The following AATK variants were observed in gnomAD, a reference collection of about 807,000 sequenced individuals.
The protein encoded by AATK is serine/threonine-protein kinase LMTK1.
AATK carries 91 observed loss-of-function variants against 114.3 expected under a neutral mutation model. The observed-to-expected ratio is 0.80, with a 90% CI of 0.67 to 0.95. The LOEUF (loss-of-function observed/expected upper bound fraction) is 0.95. Ranked by LOEUF, AATK falls within the 40% of genes least tolerant of loss-of-function variation. The pLI, the probability that AATK is intolerant of heterozygous loss-of-function variation, is 0.00. For synonymous variants in AATK, 1,075 were observed against 916.5 expected (o/e 1.17, Z -3.12); for missense variants, 2,176 against 1,965.2 (o/e 1.11, Z -2.03).
At position 81,127,566 on chromosome 17, in the gene AATK, C is replaced by A; in HGVS notation, c.621+17G>T. The stretch of plus-strand genomic sequence containing the variant: ...GGCTCAGCAAAGACCCCAGCATCCC[C>A]CCGGGCAGCAGCTCACCAGTGGGCA... On this transcript the variant is annotated intron_variant, in intron 6 of 13. Coordinates refer to ENST00000326724, the MANE Select transcript of AATK (RefSeq NM_001080395.3). 6.3e-7 allele frequency: 1 copy of A among 1,583,300 alleles called. No individual in the cohort carries two copies. Among genetic ancestry groups the A allele is most frequent in the Non-Finnish European group, 8.6e-7 (1 of 1,165,494 alleles).
chr17:81,132,022 C>G, intron 2 of AATK: 1 of 1,305,030 alleles, frequency 7.7e-7, no homozygotes, highest in Non-Finnish European at 1.0e-6. Context: ...CCACTCCCTG[C>G]CAGGCTGCTA....
chr17:81,123,682 G>A (rs892859358), intron 9 of AATK, among the ~76,000 whole-genome samples: 7 of 151,696 alleles, frequency 4.6e-5, no homozygotes, highest in Non-Finnish European at 1.0e-4. Context: ...TGGAGGGCGG[G>A]CGTGGAGCCC....
At chr17:81,157,348 A>C (rs1235743884) in intron 1 of AATK, among the ~76,000 whole-genome samples, 1 of 152,188 alleles carries the variant, frequency 6.6e-6, no homozygotes, top group African/African-American at 2.4e-5. Flanking sequence ...GCTCGCCTCC[A>C]ACCTGGGGCT....
chr17:81,139,225 C>T (rs950750668), intron 1 of AATK, among the ~76,000 whole-genome samples: 1 of 152,242 alleles, frequency 6.6e-6, no homozygotes, highest in South Asian at 2.1e-4. Context: ...CTGCCAGCTC[C>T]ACTGCCCTGC....
rs530273763 is a variant in AATK at position 81,126,415 on chromosome 17, G to A, written c.755+12C>T. Reference sequence around the variant, plus strand: ...TAGGGCTTCCCGGCCGCTGGCCCGCGCCCGCCCTCACCTGTGCACGAAATT... The same window carrying A: ...TAGGGCTTCCCGGCCGCTGGCCCGCACCCGCCCTCACCTGTGCACGAAATT... On this transcript the variant is annotated intron_variant, in intron 7 of 13. Coordinates refer to ENST00000326724, the MANE Select transcript of AATK (RefSeq NM_001080395.3). The surrounding 1 kb of genome is among the most constrained non-coding windows in gnomAD (Gnocchi z 5.1). The A allele has an allele frequency of 8.4e-6, 13 of 1,553,584 alleles. No individual in the cohort carries two copies. Among genetic ancestry groups the A allele is most frequent in the East Asian group, 2.4e-5 (1 of 41,312 alleles).
At position 81,121,099 on chromosome 17, in the gene AATK, G is replaced by A; in HGVS notation, c.2837C>T (p.Ser946Phe). ...CGCCTCCTTGAGCACAAACTCAGGG[G>A]ACTCATAGTTCTCGGTGTCATAGCC... ...DSGYDTENYE[S>F]PEFVLKEAQE... Residue 946 changes from serine to phenylalanine, a missense_variant, in exon 11 of 14, where the codon TCC (serine) becomes TTC (phenylalanine). This residue lies in a region of AATK where 1,701 missense variants were observed against 1,394.7 expected (regional missense o/e 1.22). Coordinates refer to ENST00000326724, the MANE Select transcript of AATK (RefSeq NM_001080395.3). The A allele has an allele frequency of 6.2e-7, 1 of 1,605,934 alleles. No individual in the cohort carries two copies. The highest frequency in any genetic ancestry group is 1.3e-5 in the African/African-American group (1 of 74,936).
chr17:81,120,632 G>T lies in AATK; in HGVS notation c.3304C>A (p.Leu1102Met), dbSNP rs1263948158. 1.3e-6 allele frequency: 2 copies of T among 1,536,938 alleles called. No individual in the cohort carries two copies. Among genetic ancestry groups the T allele is most frequent in the Non-Finnish European group, 1.7e-6 (2 of 1,146,068 alleles). ...GPSPSCSQFF[L>M]LTPVPLRSEG... is the part of the protein sequence containing the mutation. ...GATCTCAGCGGAACCGGGGTCAGCA[G>T]GAAAAACTGGGAGCAGCTGGGGCTG... The change falls in exon 11 of 14, where the codon CTG becomes ATG. Residue 1102 changes from leucine (L) to methionine (M), a missense_variant. By Grantham distance (15) the Leu-to-Met change is conservative. Transcript: ENST00000326724.
Position 81,131,161 on chromosome 17 carries a change from C to T in AATK, c.234G>A (p.Ala78=), listed in dbSNP as rs144434820. The change falls in exon 3 of 14, where the codon GCG becomes GCA. Residue 78 remains alanine (A), a synonymous_variant. Coordinates refer to ENST00000326724, the MANE Select transcript of AATK (RefSeq NM_001080395.3). Reference sequence around the variant, plus strand: ...GTGCTGCCGTGGCCGGGGAGCCCTGCGCCAGGTCGGCTGCGTACTCGTCCC... The same window carrying T: ...GTGCTGCCGTGGCCGGGGAGCCCTGTGCCAGGTCGGCTGCGTACTCGTCCC... ...AEGDEYAADL[A]QGSPATAAQN... 3.6e-3 allele frequency: 5,662 copies of T among 1,578,570 alleles called. 17 individuals are homozygous for T. The highest frequency in any genetic ancestry group is 4.3e-3 in the Non-Finnish European group (5,014 of 1,163,734).
At chr17:81,137,035 A>G (rs537395201) in intron 1 of AATK, among the ~76,000 whole-genome samples, 1 of 152,214 alleles carries the variant, frequency 6.6e-6, no homozygotes, top group South Asian at 2.1e-4. Context: ...AGGCAGGTGG[A>G]TCACTTGAGG....
Position 81,126,410 on chromosome 17 carries a change from C to CCAG in AATK, c.755+16_755+17insCTG. ...TGGCCTAGGGCTTCCCGGCCGCTGG[C>CCAG]CCGCGCCCGCCCTCACCTGTGCACG... On this transcript the variant is annotated intron_variant, in intron 7 of 13. Transcript: ENST00000326724. The surrounding 1 kb of genome is among the most constrained non-coding windows in gnomAD (Gnocchi z 5.1). 6.5e-7 allele frequency: 1 copy of CCAG among 1,549,786 alleles called. No individual in the cohort carries two copies. The highest frequency in any genetic ancestry group is 1.2e-5 in the South Asian group (1 of 84,168).
At chr17:81,134,054 G>A (rs1215065891) in intron 2 of AATK, among the ~76,000 whole-genome samples, 1 of 152,156 alleles carries the variant, frequency 6.6e-6, no homozygotes, top group Non-Finnish European at 1.5e-5. Context: ...CAGCTCCAGA[G>A]CCCCCGACGC....
intron 1 of AATK, among the ~76,000 whole-genome samples, chr17:81,139,604 G>A (rs1467878041): frequency 2.0e-5 from 1 of 49,462 alleles, no homozygotes; most frequent in East Asian, 1.2e-3. Flanking sequence ...AGCCTGGCCT[G>A]GCCATACCGC....
chr17:81,145,623 C>T (rs1314244590), intron 1 of AATK, among the ~76,000 whole-genome samples: 1 of 150,922 alleles, frequency 6.6e-6, no homozygotes. Context: ...ATCCTAGCTA[C>T]TCGGGAGGCT....
intron 1 of AATK, among the ~76,000 whole-genome samples, chr17:81,143,542 G>A (rs1468394394): frequency 4.3e-5 from 2 of 46,642 alleles, no homozygotes; most frequent in Admixed American, 2.4e-4. Context: ...CCCACCCCCC[G>A]TGTCCACGCA....
intron 10 of AATK, 32 bp from the exon 11 acceptor site, chr17:81,122,855 A>G: frequency 7.0e-7 from 1 of 1,421,188 alleles, no homozygotes; most frequent in Non-Finnish European, 9.3e-7. Flanking sequence ...GCCACGTCAG[A>G]GGCAACGCTG....
rs1307007455 is a variant in AATK, at chr17:81,120,267, C to T, written c.3669G>A (p.Glu1223=). 1.2e-6 allele frequency: 2 copies of T among 1,602,290 alleles called. No homozygotes were observed. The highest frequency in any genetic ancestry group is 3.3e-5 in the Admixed American group (2 of 59,798). The change falls in exon 11 of 14, where the codon GAG becomes GAA. Residue 1223 remains glutamate, a synonymous_variant. Transcript: ENST00000326724. The stretch of plus-strand genomic sequence containing the variant: ...CGGCCTTCTTCTTGCGTTCCAGGTC[C>T]TCGCAGAAGGTCTCGGACAGCAGGC... ...MPSLLSETFC[E]DLERKKKAVS...
Position 81,128,384 on chromosome 17 carries a change from G to A in AATK, c.414+86C>T, listed in dbSNP as rs963943557. The A allele has an allele frequency of 1.2e-5, 17 of 1,445,530 alleles. No individual in the cohort carries two copies. In the African/African-American group the frequency reaches 1.8e-4, roughly 15 times the overall value. The allele number at this position is 1,445,530 out of a possible 1,614,324, so 89.5% of individuals were successfully genotyped here. A position where few individuals can be genotyped will look rare whatever the true frequency, so the allele number is the denominator to read the frequency against. On this transcript the variant is annotated intron_variant, in intron 4 of 13. Coordinates refer to ENST00000326724, the MANE Select transcript of AATK (RefSeq NM_001080395.3). Reference sequence around the variant, plus strand: ...CTGAAGAAGGGACCGTCGGGGCTGGGGTGGCTCCTAGGAGGAGCAGGTCTG... The same window carrying A: ...CTGAAGAAGGGACCGTCGGGGCTGGAGTGGCTCCTAGGAGGAGCAGGTCTG...
intron 3 of AATK, chr17:81,129,055 C>T (rs1377288304): frequency 5.5e-6 from 2 of 362,696 alleles, no homozygotes; most frequent in East Asian, 1.4e-4. Context: ...AGGGCCAGGC[C>T]GGGTGAGGTC....
chr17:81,162,874 A>G (rs901182931), intron 1 of AATK, among the ~76,000 whole-genome samples: 4 of 151,966 alleles, frequency 2.6e-5, no homozygotes, highest in Non-Finnish European at 5.9e-5. Context: ...GTGTTCCGAG[A>G]ACTTCCACAA....
Sources: gnomAD v4.1 joint callset for allele counts (sites outside exome capture counted in the v4.1 genomes callset) on GRCh38, gnomAD v4.1.1 for gene constraint, gnomAD v4.1.1 regional missense constraint, Gnocchi (gnomAD v3.1) non-coding constraint, MANE v1.5 for transcripts, NCBI Gene and HGNC (gene_info 2026-07-23, HGNC 2026-07-21) for gene names.